Variants in PPP1R13B observed in about 807,000 individuals in gnomAD.
The protein encoded by PPP1R13B is protein phosphatase 1 regulatory subunit 13B, also known as apoptosis-stimulating of p53 protein 1.
In PPP1R13B, 44 loss-of-function variants were observed where a neutral mutation model predicts 119.8. The ratio of observed to expected loss-of-function variants is 0.37; its 90% CI spans 0.29 to 0.47. The LOEUF is 0.47. Ranked by LOEUF, PPP1R13B falls within the 20% of genes least tolerant of loss-of-function variation. PPP1R13B has a pLI of 0.99. For synonymous variants in PPP1R13B, 542 were observed against 561.5 expected (o/e 0.97, Z 0.49); for missense variants, 1,227 against 1,413.5 (o/e 0.87, Z 2.12).
chr14:103,770,011 C>T (rs2085029153), intron 4 of PPP1R13B, among the ~76,000 whole-genome samples: 1 of 152,048 alleles, frequency 6.6e-6, no homozygotes, highest in South Asian at 2.1e-4. Context: ...TCCCTATCCC[C>T]TGCAATAGTA....
At chr14:103,825,923 C>A (rs1419236595) in intron 1 of PPP1R13B, among the ~76,000 whole-genome samples, 1 of 151,600 alleles carries the variant, frequency 6.6e-6, no homozygotes, top group Non-Finnish European at 1.5e-5. Flanking sequence ...TGGCTCACTA[C>A]AACCTCCACC....
At chr14:103,846,683 T>C (rs1416505788) in intron 1 of PPP1R13B, 6 of 453,914 alleles carry the variant, frequency 1.3e-5, no homozygotes, top group Non-Finnish European at 2.2e-5. Context: ...GGCGAAAGCA[T>C]CCTTAAGGGC....
At chr14:103,736,925 G>C (rs1182051492) in intron 15 of PPP1R13B, 1 of 152,484 alleles carries the variant, frequency 6.6e-6, no homozygotes, top group Admixed American at 6.5e-5. Flanking sequence ...AATGACTTGT[G>C]ACTGTTTAAT....
At chr14:103,752,495 C>A (rs961706635) in intron 7 of PPP1R13B, among the ~76,000 whole-genome samples, 2 of 150,436 alleles carry the variant, frequency 1.3e-5, no homozygotes, top group East Asian at 3.9e-4. Context: ...TGAATTGTAT[C>A]CTTGAAATGG....
In PPP1R13B at chr14:103,742,382, A is replaced by C; in HGVS notation, c.1321-91T>G. ...CATTCCCAAGAGAATACACAGTAGAATTTGTAATCCGTCAAATTGGCTGTG... is the reference window on the plus strand; with the variant it reads ...CATTCCCAAGAGAATACACAGTAGACTTTGTAATCCGTCAAATTGGCTGTG... On this transcript the variant is annotated intron_variant, in intron 10 of 16. Coordinates refer to ENST00000202556, the MANE Select transcript of PPP1R13B (RefSeq NM_015316.3). This position sits in a 1 kb window ranked among gnomAD's most constrained non-coding sequence, Gnocchi z 4.9. 6.8e-7 allele frequency: 1 copy of C among 1,461,172 alleles called. No homozygotes were observed. Among genetic ancestry groups the C allele is most frequent in the Non-Finnish European group, 9.1e-7 (1 of 1,099,360 alleles). The allele number at this position is 1,461,172 out of a possible 1,614,324, so 90.5% of individuals were successfully genotyped here.
intron 1 of PPP1R13B, among the ~76,000 whole-genome samples, chr14:103,846,555 T>C (rs927596596): frequency 3.3e-5 from 5 of 152,174 alleles, no homozygotes; most frequent in African/African-American, 1.2e-4. Flanking sequence ...GTCATGATGC[T>C]TACCTCCCAA....
At chr14:103,759,884 T>C (rs1177118016) in intron 4 of PPP1R13B, among the ~76,000 whole-genome samples, 1 of 152,240 alleles carries the variant, frequency 6.6e-6, no homozygotes, top group African/African-American at 2.4e-5. Flanking sequence ...ACATTTATAC[T>C]CTTTATGTTG....
In PPP1R13B at chr14:103,847,417, C is replaced by A; in HGVS notation, c.-110G>T. The A allele has an allele frequency of 9.7e-7, 1 of 1,028,310 alleles. No individual in the cohort carries two copies. The highest frequency in any genetic ancestry group is 4.4e-5 in the South Asian group (1 of 22,512). The allele number at this position is 1,028,310 out of a possible 1,614,324, so 63.7% of individuals were successfully genotyped here. On this transcript the variant is annotated 5_prime_UTR_variant, in exon 1 of 17. Transcript: ENST00000202556. The stretch of plus-strand genomic sequence containing the variant: ...AAGGCCGCGCTCCCGCCGCCGTGCT[C>A]TCCGGCCCGGCCGCGGCGAGGCGGC...
chr14:103,808,877 C>CT (rs200411132), intron 1 of PPP1R13B, among the ~76,000 whole-genome samples: 3 of 151,650 alleles, frequency 2.0e-5, no homozygotes, highest in African/African-American at 4.8e-5. Context: ...TTTAATGTTT[C>CT]TTTTTTTTAG....
At chr14:103,843,649 ATTTAG>A (rs1342665251) in intron 1 of PPP1R13B, among the ~76,000 whole-genome samples, 1 of 152,174 alleles carries the variant, frequency 6.6e-6, no homozygotes, top group African/African-American at 2.4e-5. Flanking sequence ...CCAAAATATA[ATTTAG>A]TTTAGAAGTG....
intron 2 of PPP1R13B, among the ~76,000 whole-genome samples, chr14:103,791,959 G>C (rs1567127112): frequency 6.6e-6 from 1 of 151,844 alleles, no homozygotes; most frequent in Non-Finnish European, 1.5e-5. Flanking sequence ...TCATTTAGTA[G>C]CTTTATTTTT....
chr14:103,830,997 G>A (rs2086653763), intron 1 of PPP1R13B, among the ~76,000 whole-genome samples: 1 of 149,034 alleles, frequency 6.7e-6, no homozygotes, highest in Non-Finnish European at 1.5e-5. Context: ...AGGCTGGAGT[G>A]CAACGGCACG....
intron 7 of PPP1R13B, among the ~76,000 whole-genome samples, chr14:103,752,593 G>A (rs1321815527): frequency 6.8e-6 from 1 of 148,058 alleles, no homozygotes; most frequent in Non-Finnish European, 1.5e-5. Flanking sequence ...GGAGTGCAGT[G>A]GCGCAATCTT....
chr14:103,805,624 G>A (rs1219229290), intron 1 of PPP1R13B, among the ~76,000 whole-genome samples: 1 of 151,864 alleles, frequency 6.6e-6, no homozygotes, highest in Non-Finnish European at 1.5e-5. Flanking sequence ...GAAAAGGAAA[G>A]ACAAGACAAA....
intron 1 of PPP1R13B, among the ~76,000 whole-genome samples, chr14:103,824,382 C>A (rs1281485563): frequency 1.3e-5 from 2 of 148,466 alleles, no homozygotes; most frequent in African/African-American, 4.9e-5. Context: ...TATATGATCA[C>A]ATCATAATTT....
intron 1 of PPP1R13B, among the ~76,000 whole-genome samples, chr14:103,846,509 C>A (rs1359826027): frequency 6.6e-6 from 1 of 152,206 alleles, no homozygotes; most frequent in African/African-American, 2.4e-5. Flanking sequence ...CAATACCTCT[C>A]CAACTGGGTA....
chr14:103,844,733 G>A lies in PPP1R13B; in HGVS notation c.9+2566C>T, dbSNP rs533527373. 3.0e-3 allele frequency among the ~76,000 whole-genome samples: 452 copies of A among 151,650 alleles called. 1 individual carries two copies. Among genetic ancestry groups the A allele is most frequent in the African/African-American group, 0.011 (439 of 41,400 alleles). On this transcript the variant is annotated intron_variant, in intron 1 of 16. Coordinates refer to ENST00000202556, the MANE Select transcript of PPP1R13B (RefSeq NM_015316.3). ...AGAGTGAGACTCTGTCACAAAAAAA[G>A]AAAAAAAGAAAAAAGTTACCACGAC...
chr14:103,808,396 T>G (rs1458181266), intron 1 of PPP1R13B, among the ~76,000 whole-genome samples: 7 of 152,068 alleles, frequency 4.6e-5, no homozygotes, highest in Non-Finnish European at 8.8e-5. Context: ...ACTGGAGAAT[T>G]GTCTTGGGCT....
chr14:103,809,325 C>A (rs915984113), intron 1 of PPP1R13B, among the ~76,000 whole-genome samples: 1 of 152,118 alleles, frequency 6.6e-6, no homozygotes, highest in Non-Finnish European at 1.5e-5. Flanking sequence ...AAAATAGACA[C>A]CTTAGCTTCT....
Sources: gnomAD v4.1 joint callset for allele counts (sites outside exome capture counted in the v4.1 genomes callset) on GRCh38, gnomAD v4.1.1 for gene constraint, Gnocchi (gnomAD v3.1) non-coding constraint, MANE v1.5 for transcripts, NCBI Gene and HGNC (gene_info 2026-07-23, HGNC 2026-07-21) for gene names.